Variants in PXDNL observed in about 807,000 individuals in gnomAD.
The protein encoded by PXDNL is peroxidasin like, also known as probable oxidoreductase PXDNL.
In PXDNL, 145 loss-of-function variants were observed where a neutral mutation model predicts 150.8. The ratio of observed to expected loss-of-function variants is 0.96; its 90% CI spans 0.84 to 1.10. The LOEUF is 1.10. Ranked by LOEUF, PXDNL falls within the 50% of genes least tolerant of loss-of-function variation. The pLI is 0.00. For synonymous variants in PXDNL, 757 were observed against 725.7 expected (o/e 1.04, Z -0.69); for missense variants, 2,087 against 1,873.9 (o/e 1.11, Z -2.10).
At chr8:51,753,720 A>G (rs2037070024) in intron 1 of PXDNL, among the ~76,000 whole-genome samples, 1 of 152,254 alleles carries the variant, frequency 6.6e-6, no homozygotes, top group Non-Finnish European at 1.5e-5. Flanking sequence ...AATCAAGTAC[A>G]TAACGGGAAA....
intron 1 of PXDNL, among the ~76,000 whole-genome samples, chr8:51,668,471 G>T (rs1373369878): frequency 6.6e-6 from 1 of 151,918 alleles, no homozygotes; most frequent in Non-Finnish European, 1.5e-5. Context: ...CACCATGCCT[G>T]GCCACCAGGC....
In PXDNL at chr8:51,447,269, G is replaced by A. The variant is rs147990825; in HGVS notation, c.1367-107C>T. The A allele has an allele frequency of 3.0e-3, 3,472 of 1,148,704 alleles. 6 individuals are homozygous for A. The highest frequency in any genetic ancestry group is 3.8e-3 in the Non-Finnish European group (3,072 of 807,260). 71.2% of individuals were successfully genotyped at this position (1,148,704 alleles called of 1,614,324 possible). A position where few individuals can be genotyped will look rare whatever the true frequency, so the allele number is the denominator to read the frequency against. On this transcript the variant is annotated intron_variant, in intron 11 of 22. Transcript: ENST00000356297. ...GAGGCCTGTCTTTCAGGAAATTCTC[G>A]GTGCTAGGGTGTACTGTGTGCGTTG...
At chr8:51,367,442 G>A (rs1315352214) in intron 19 of PXDNL, among the ~76,000 whole-genome samples, 2 of 152,140 alleles carry the variant, frequency 1.3e-5, no homozygotes, top group Admixed American at 1.3e-4. Flanking sequence ...TGCTGGTGGG[G>A]AAATAAAGTG....
At position 51,683,164 on chromosome 8, in the gene PXDNL, CATATATAT is replaced by C. The variant is rs71237228; in HGVS notation, c.165-28412_165-28405del. On this transcript the variant is annotated intron_variant, in intron 1 of 22. Coordinates refer to ENST00000356297, the MANE Select transcript of PXDNL (RefSeq NM_144651.5). ...ATCCTTACTAACACCAATTGTCTTTCATATATATATATATATATATATATATATATATA... is the reference window on the plus strand; with the variant it reads ...ATCCTTACTAACACCAATTGTCTTTCATATATATATATATATATATATATA... Among the ~76,000 whole-genome samples the C allele has an allele frequency of 7.3e-3, 326 of 44,456 alleles. 8 individuals carry two copies. The highest frequency in any genetic ancestry group is 0.019 in the African/African-American group (261 of 13,404). 29.2% of individuals were successfully genotyped at this position (44,456 alleles called of 152,430 possible). A position where few individuals can be genotyped will look rare whatever the true frequency, so the allele number is the denominator to read the frequency against.
intron 21 of PXDNL, among the ~76,000 whole-genome samples, chr8:51,327,299 C>T (rs75319479): frequency 0.012 from 1,773 of 152,226 alleles, 27 homozygotes; most frequent in Non-Finnish European, 0.012. Flanking sequence ...CTGTATAAAA[C>T]GCCAGTGAAA....
At chr8:51,526,662 C>T (rs1428683568) in intron 4 of PXDNL, among the ~76,000 whole-genome samples, 1 of 152,122 alleles carries the variant, frequency 6.6e-6, no homozygotes, top group Non-Finnish European at 1.5e-5. Flanking sequence ...TCCCTCTGAT[C>T]GAATATGTTC....
intron 1 of PXDNL, among the ~76,000 whole-genome samples, chr8:51,701,030 T>A (rs1816249170): frequency 6.6e-6 from 1 of 151,728 alleles, no homozygotes; most frequent in Non-Finnish European, 1.5e-5. Context: ...TACACACACA[T>A]ATACACACAG....
intron 14 of PXDNL, among the ~76,000 whole-genome samples, chr8:51,416,974 A>C (rs1808816151): frequency 6.6e-6 from 1 of 152,196 alleles, no homozygotes; most frequent in African/African-American, 2.4e-5. Flanking sequence ...CTCTTTTATT[A>C]TTCATTTGAT....
At chr8:51,476,641 G>A (rs546347522) in intron 6 of PXDNL, among the ~76,000 whole-genome samples, 7 of 152,224 alleles carry the variant, frequency 4.6e-5, no homozygotes, top group African/African-American at 1.7e-4. Flanking sequence ...AAAGATGCGT[G>A]GCAAAAAGGC....
chr8:51,649,798 T>C (rs971147932), intron 2 of PXDNL, among the ~76,000 whole-genome samples: 1 of 152,122 alleles, frequency 6.6e-6, no homozygotes, highest in Admixed American at 6.6e-5. Flanking sequence ...AGATGAAACA[T>C]TCTTTGGACA....
At chr8:51,642,166 T>C (rs886193449) in intron 2 of PXDNL, among the ~76,000 whole-genome samples, 15 of 141,030 alleles carry the variant, frequency 1.1e-4, no homozygotes, top group Non-Finnish European at 1.8e-4. Context: ...TGAGAACACA[T>C]GGACACAGGA....
intron 3 of PXDNL, among the ~76,000 whole-genome samples, chr8:51,559,809 T>G (rs544809628): frequency 6.6e-6 from 1 of 152,006 alleles, no homozygotes; most frequent in East Asian, 1.9e-4. Flanking sequence ...GGGTAACTTG[T>G]GGAGAATTGG....
chr8:51,644,335 T>C (rs866369507), intron 2 of PXDNL, among the ~76,000 whole-genome samples: 2,703 of 48,654 alleles, frequency 0.056, 230 homozygotes, highest in African/African-American at 0.11. Context: ...TATATATATA[T>C]ATACACACAC....
At chr8:51,621,744 A>G (rs897071406) in intron 2 of PXDNL, among the ~76,000 whole-genome samples, 11 of 152,128 alleles carry the variant, frequency 7.2e-5, no homozygotes, top group Admixed American at 4.6e-4. Flanking sequence ...GTTTGAGACC[A>G]GCCTGGGCAA....
chr8:51,538,845 TA>T (rs1474517198), intron 4 of PXDNL, among the ~76,000 whole-genome samples: 1 of 152,186 alleles, frequency 6.6e-6, no homozygotes, highest in Non-Finnish European at 1.5e-5. Flanking sequence ...TATAAACCAC[TA>T]AACAAAAATA....
intron 20 of PXDNL, among the ~76,000 whole-genome samples, chr8:51,341,424 T>C (rs890285532): frequency 6.6e-6 from 1 of 152,170 alleles, no homozygotes; most frequent in African/African-American, 2.4e-5. Flanking sequence ...TTTTCACGTG[T>C]GCATGTGGTT....
intron 4 of PXDNL, among the ~76,000 whole-genome samples, chr8:51,502,234 C>T (rs1411037128): frequency 6.6e-6 from 1 of 152,236 alleles, no homozygotes; most frequent in Non-Finnish European, 1.5e-5. Flanking sequence ...CAATTTCACA[C>T]AGCCAGCCTC....
chr8:51,558,837 G>A (rs917265573), intron 3 of PXDNL, among the ~76,000 whole-genome samples: 4 of 152,130 alleles, frequency 2.6e-5, no homozygotes, highest in African/African-American at 7.2e-5. Flanking sequence ...TTGTATGCTC[G>A]CTGAAGAGTA....
chr8:51,638,591 A>G (rs1814662997), intron 2 of PXDNL, among the ~76,000 whole-genome samples: 1 of 152,172 alleles, frequency 6.6e-6, no homozygotes, highest in African/African-American at 2.4e-5. Context: ...ACAAAGATCA[A>G]AAGAGACAAA....
Sources: gnomAD v4.1 joint callset for allele counts (sites outside exome capture counted in the v4.1 genomes callset) on GRCh38, gnomAD v4.1.1 for gene constraint, MANE v1.5 for transcripts, NCBI Gene and HGNC (gene_info 2026-07-23, HGNC 2026-07-21) for gene names.